CYB5R4: variants seen among roughly 807,000 people sequenced by gnomAD.
The protein encoded by CYB5R4 is N-terminal cytochrome b5 and cytochrome b5 oxidoreductase domain-containing protein.
A neutral mutation model predicts 70.2 loss-of-function variants in CYB5R4; 55 were observed. That is an observed-to-expected ratio of 0.78 (90% CI 0.63 to 0.98). CYB5R4 has a LOEUF of 0.98. Among genes scored for constraint, CYB5R4 ranks in the 50% least tolerant of loss-of-function variants. CYB5R4 has a pLI of 0.00. For missense variants in CYB5R4, 562 were observed against 612.6 expected, an observed-to-expected ratio of 0.92 and a Z score of 0.87; for synonymous variants, 197 against 199.5, an observed-to-expected ratio of 0.99 and a Z score of 0.11.
At chr6:83,881,841 T>C (rs991166926) in intron 2 of CYB5R4, among the ~76,000 whole-genome samples, 1 of 152,234 alleles carries the variant, frequency 6.6e-6, no homozygotes, top group African/African-American at 2.4e-5. Context: ...CTAGCAGCTT[T>C]TAAGCCTTTT....
intron 15 of CYB5R4, among the ~76,000 whole-genome samples, chr6:83,957,542 A>G (rs2099472609): frequency 1.3e-5 from 2 of 149,488 alleles, no homozygotes; most frequent in South Asian, 2.1e-4. Flanking sequence ...GATCGCTCGA[A>G]TCTAGGAGGC....
intron 3 of CYB5R4, among the ~76,000 whole-genome samples, chr6:83,903,494 T>C (rs1244630164): frequency 7.9e-5 from 12 of 152,114 alleles, no homozygotes; most frequent in Admixed American, 7.9e-4. Flanking sequence ...TTTTGGTTGT[T>C]GTTTTTGTAC....
intron 14 of CYB5R4, 104 bp from the exon 15 acceptor site, chr6:83,955,194 T>C: frequency 4.5e-6 from 4 of 887,320 alleles, no homozygotes; most frequent in Non-Finnish European, 6.5e-6. Flanking sequence ...TATCTTTATA[T>C]ATTAAATTGT....
intron 2 of CYB5R4, among the ~76,000 whole-genome samples, chr6:83,869,447 A>C (rs1474220829): frequency 1.3e-5 from 2 of 152,188 alleles, no homozygotes; most frequent in African/African-American, 4.8e-5. Context: ...GCAGTGAAAA[A>C]TATCTTTGTT....
At position 83,960,780 on chromosome 6, in the gene CYB5R4, A is replaced by G. The variant is rs1179110273; in HGVS notation, c.*902A>G. The G allele has an allele frequency of 6.6e-6, 1 of 152,168 alleles. No homozygotes were observed. The highest frequency in any genetic ancestry group is 1.9e-4 in the East Asian group (1 of 5,184). The allele number at this position is 152,168 out of a possible 1,614,324, so 9.4% of individuals were successfully genotyped here. A position where few individuals can be genotyped will look rare whatever the true frequency, so the allele number is the denominator to read the frequency against. On this transcript the variant is annotated 3_prime_UTR_variant, in exon 16 of 16. Transcript: ENST00000369681. ...CCCCTGGTTGGCTGCTTTCTCCACA[A>G]CTGGTGGTTCAGCAGGAAGCCCTCT...
At chr6:83,932,746 G>A (rs2099468355) in intron 10 of CYB5R4, among the ~76,000 whole-genome samples, 1 of 152,126 alleles carries the variant, frequency 6.6e-6, no homozygotes, top group Non-Finnish European at 1.5e-5. Flanking sequence ...GGCTGTTTAT[G>A]TGAAAAGCTA....
chr6:83,925,346 C>T (rs998271553), intron 10 of CYB5R4, among the ~76,000 whole-genome samples: 1 of 152,100 alleles, frequency 6.6e-6, no homozygotes, highest in Non-Finnish European at 1.5e-5. Context: ...CCCCATGCTC[C>T]AGTCAACTCC....
chr6:83,933,534 A>T (rs928487613), intron 10 of CYB5R4, among the ~76,000 whole-genome samples: 1 of 152,174 alleles, frequency 6.6e-6, no homozygotes, highest in South Asian at 2.1e-4. Context: ...AAAAAAGAGA[A>T]TAGAGTAAGA....
intron 3 of CYB5R4, among the ~76,000 whole-genome samples, chr6:83,902,147 T>G (rs1337042256): frequency 1.3e-5 from 2 of 152,186 alleles, no homozygotes; most frequent in African/African-American, 4.8e-5. Flanking sequence ...GATTTTATAG[T>G]TTCGGGTCTA....
rs1330383392 is a variant in CYB5R4 at position 83,914,399 on chromosome 6, T to C, written c.413-17T>C. 3 of 1,530,490 alleles carry C rather than the reference T, an allele frequency of 2.0e-6. No individual in the cohort carries two copies. The highest frequency in any genetic ancestry group is 1.8e-6 in the Non-Finnish European group (2 of 1,126,244). 94.8% of individuals were successfully genotyped at this position (1,530,490 alleles called of 1,614,324 possible). A position where few individuals can be genotyped will look rare whatever the true frequency, so the allele number is the denominator to read the frequency against. Reference sequence around the variant, plus strand: ...AAAGTATTCTTATTTGACTTTTTTTTCTAAATCACTATACAGACTATCGTG... The same window carrying C: ...AAAGTATTCTTATTTGACTTTTTTTCCTAAATCACTATACAGACTATCGTG... On this transcript the variant is annotated splice_polypyrimidine_tract_variant and intron_variant, in intron 4 of 15. Transcript: ENST00000369681.
At position 83,967,278 on chromosome 6, in the gene CYB5R4, G is replaced by A. The variant is rs1341860656; in HGVS notation, c.*7400G>A. On this transcript the variant is annotated 3_prime_UTR_variant, in exon 16 of 16. Transcript: ENST00000369681. ...AAAAGGATTGGAGAACATTAAACTT[G>A]TAGAACTAAAACAAAATGAGAGTTA... 1 of 152,178 alleles carries A rather than the reference G, an allele frequency of 6.6e-6. No homozygotes were observed. The highest frequency in any genetic ancestry group is 1.5e-5 in the Non-Finnish European group (1 of 68,030). The allele number at this position is 152,178 out of a possible 1,614,324, so 9.4% of individuals were successfully genotyped here. A position where few individuals can be genotyped will look rare whatever the true frequency, so the allele number is the denominator to read the frequency against.
At position 83,963,066 on chromosome 6, in the gene CYB5R4, A is replaced by G. The variant is rs1257696546; in HGVS notation, c.*3188A>G. 6.6e-6 allele frequency: 1 copy of G among 152,164 alleles called. No homozygotes were observed. The highest frequency in any genetic ancestry group is 1.5e-5 in the Non-Finnish European group (1 of 68,034). The allele number at this position is 152,164 out of a possible 1,614,324, so 9.4% of individuals were successfully genotyped here. On this transcript the variant is annotated 3_prime_UTR_variant, in exon 16 of 16. Coordinates refer to ENST00000369681, the MANE Select transcript of CYB5R4 (RefSeq NM_016230.4). Reference sequence around the variant, plus strand: ...TCCAGATATCCAGGGTAATCTTCCTATTTTAAAAATCTATAATTTTAATTA... The same window carrying G: ...TCCAGATATCCAGGGTAATCTTCCTGTTTTAAAAATCTATAATTTTAATTA...
chr6:83,929,731 A>T (rs1162144533), intron 10 of CYB5R4, among the ~76,000 whole-genome samples: 1 of 152,194 alleles, frequency 6.6e-6, no homozygotes, highest in African/African-American at 2.4e-5. Flanking sequence ...CTATTTCTAT[A>T]CCCAAGGTAA....
At chr6:83,899,176 C>G (rs577466427) in intron 3 of CYB5R4, among the ~76,000 whole-genome samples, 15 of 152,182 alleles carry the variant, frequency 9.9e-5, no homozygotes, top group South Asian at 2.1e-4. Context: ...TAGCATGAAG[C>G]ATTGTTGAAT....
chr6:83,885,315 A>G (rs374541548), intron 2 of CYB5R4, among the ~76,000 whole-genome samples: 4 of 152,342 alleles, frequency 2.6e-5, no homozygotes, highest in South Asian at 2.1e-4. Flanking sequence ...GACAAATAAC[A>G]TCTTGGTATT....
At chr6:83,952,972 T>G (rs2099471774) in intron 14 of CYB5R4, among the ~76,000 whole-genome samples, 1 of 152,162 alleles carries the variant, frequency 6.6e-6, no homozygotes, top group Non-Finnish European at 1.5e-5. Flanking sequence ...TGAAACTGTT[T>G]CTTTTTCCCC....
intron 2 of CYB5R4, among the ~76,000 whole-genome samples, chr6:83,866,656 C>T (rs1263275389): frequency 6.6e-6 from 1 of 151,960 alleles, no homozygotes; most frequent in Non-Finnish European, 1.5e-5. Context: ...CGCTTTGTCC[C>T]CTAGGCTGGA....
rs768763647 is a variant in CYB5R4, at chr6:83,924,635, ATTG to A, written c.814+49_814+51del. The A allele has an allele frequency of 2.5e-6, 4 of 1,598,786 alleles. No homozygotes were observed. The East Asian group carries it at 9.0e-5, about 36-fold the overall frequency. On this transcript the variant is annotated intron_variant, in intron 10 of 15. Transcript: ENST00000369681. ...GTTACGTTAATTTCACATTCATGAA[ATTG>A]TTGTTAGTTGTACAGTTGTACCAGA...
At chr6:83,868,914 G>A (rs1216455445) in intron 2 of CYB5R4, among the ~76,000 whole-genome samples, 1 of 152,192 alleles carries the variant, frequency 6.6e-6, no homozygotes, top group Admixed American at 6.5e-5. Context: ...AGTGTGGCTT[G>A]ATACTCAATA....
Sources: allele counts gnomAD v4.1 joint callset (sites outside exome capture counted in the v4.1 genomes callset), GRCh38; gene constraint gnomAD v4.1.1; transcripts MANE v1.5; gene names NCBI Gene and HGNC (gene_info 2026-07-23, HGNC 2026-07-21).